The following MEGF6 variants were observed in gnomAD, a reference collection of about 807,000 sequenced individuals.
The protein encoded by MEGF6 is multiple epidermal growth factor-like domains protein 6.
A neutral mutation model predicts 207.1 loss-of-function variants in MEGF6; 184 were observed. That is an observed-to-expected ratio of 0.89 (90% CI 0.79 to 1.00). MEGF6 has a LOEUF of 1.00. Among genes scored for constraint, MEGF6 ranks in the 50% least tolerant of loss-of-function variants. MEGF6 has a pLI of 0.00. For synonymous variants in MEGF6, 1,038 were observed against 910.0 expected, an observed-to-expected ratio of 1.14 and a Z score of -2.53; for missense variants, 2,282 against 2,202.9, an observed-to-expected ratio of 1.04 and a Z score of -0.72.
intron 1 of MEGF6, among the ~76,000 whole-genome samples, chr1:3,603,700 C>T (rs1644197737): frequency 6.6e-6 from 1 of 152,120 alleles, no homozygotes; most frequent in Non-Finnish European, 1.5e-5. Context: ...GTCCCCACCC[C>T]ACCGGGAATA....
intron 4 of MEGF6, among the ~76,000 whole-genome samples, chr1:3,564,160 G>A (rs181674010): frequency 0.016 from 2,385 of 150,924 alleles, 68 homozygotes; most frequent in African/African-American, 0.054. Context: ...CGAGGAACTG[G>A]GTCAGGGTGG....
rs1373794701 is a variant in MEGF6 at position 3,556,026 on chromosome 1, C to T, written c.481+23799G>A. On this transcript the variant is annotated intron_variant, in intron 4 of 36. Transcript: ENST00000356575. This position sits in a 1 kb window ranked among gnomAD's most constrained non-coding sequence, Gnocchi z 4.4. ...CAGGACTCACGGGATCCTGGCTGGC[C>T]CTGGAACCAGCTGGAGTCCGTGGCC... 2.0e-5 allele frequency among the ~76,000 whole-genome samples: 3 copies of T among 152,330 alleles called. No homozygotes were observed. The East Asian group carries it at 5.8e-4, about 29-fold the overall frequency.
intron 4 of MEGF6, among the ~76,000 whole-genome samples, chr1:3,536,997 C>T (rs1050062216): frequency 2.6e-5 from 4 of 152,282 alleles, no homozygotes; most frequent in Non-Finnish European, 5.9e-5. Context: ...GCCTCTACCT[C>T]CCTGAGAGGG....
intron 4 of MEGF6, among the ~76,000 whole-genome samples, chr1:3,548,571 T>C (rs1313464147): frequency 1.3e-5 from 2 of 152,228 alleles, no homozygotes; most frequent in African/African-American, 4.8e-5. Flanking sequence ...CAGACTGCCC[T>C]GGCAGGCAAG....
At chr1:3,540,953 G>T (rs1439979242) in intron 4 of MEGF6, among the ~76,000 whole-genome samples, 1 of 152,228 alleles carries the variant, frequency 6.6e-6, no homozygotes, top group Non-Finnish European at 1.5e-5. Flanking sequence ...ATGGGGACTG[G>T]GAATGAGTAA....
At chr1:3,519,518 G>A (rs1314994737) in intron 5 of MEGF6, among the ~76,000 whole-genome samples, 1 of 152,256 alleles carries the variant, frequency 6.6e-6, no homozygotes, top group Non-Finnish European at 1.5e-5. Context: ...CCTCCTGGGG[G>A]AGGCCCCGAC....
Position 3,497,379 on chromosome 1 carries a change from C to T in MEGF6, c.3353-18G>A. On this transcript the variant is annotated intron_variant, in intron 26 of 36. Coordinates refer to ENST00000356575, the MANE Select transcript of MEGF6 (RefSeq NM_001409.4). The stretch of plus-strand genomic sequence containing the variant: ...CAGGCAGGCTGCAGAAAGATGAGGG[C>T]TGCGGAGGCTTCTAGGAGGGGCCCG... 2.6e-6 allele frequency: 4 copies of T among 1,520,266 alleles called. No homozygotes were observed. In the East Asian group the frequency reaches 7.2e-5, roughly 27 times the overall value. The allele number at this position is 1,520,266 out of a possible 1,614,324, so 94.2% of individuals were successfully genotyped here.
chr1:3,505,537 A>C lies in MEGF6; in HGVS notation c.1938T>G (p.Phe646Leu). Residue 646 changes from phenylalanine to leucine, a missense_variant, in exon 16 of 37, where the codon TTT (phenylalanine) becomes TTG (leucine). By Grantham distance (22) the Phe-to-Leu change is conservative. Transcript: ENST00000356575. ...FCHLTCPPWA[F>L]GPGCSEECQC... Reference sequence around the variant, plus strand: ...GGCACTCCTCCGAGCAGCCCGGCCCAAAGGCCCACGGCGGGCAGGCTGCAC... The same window carrying C: ...GGCACTCCTCCGAGCAGCCCGGCCCCAAGGCCCACGGCGGGCAGGCTGCAC... 6.3e-7 allele frequency: 1 copy of C among 1,590,932 alleles called. No homozygotes were observed. Among genetic ancestry groups the C allele is most frequent in the Non-Finnish European group, 8.5e-7 (1 of 1,171,210 alleles).
At chr1:3,533,799 C>T (rs1434514694) in intron 4 of MEGF6, among the ~76,000 whole-genome samples, 3 of 152,208 alleles carry the variant, frequency 2.0e-5, no homozygotes, top group South Asian at 4.1e-4. Context: ...CACCAACAGG[C>T]GACGGGGCTG....
At chr1:3,591,919 C>CA (rs1277757173) in intron 3 of MEGF6, among the ~76,000 whole-genome samples, 1 of 152,132 alleles carries the variant, frequency 6.6e-6, no homozygotes, top group East Asian at 1.9e-4. Flanking sequence ...TCGTAGCTCA[C>CA]AAGCGACCTG....
Position 3,531,518 on chromosome 1 carries a change from C to A in MEGF6, c.482-7272G>T, listed in dbSNP as rs376803928. On this transcript the variant is annotated intron_variant, in intron 4 of 36. Transcript: ENST00000356575. ...CCGAGGGAGCCGCCCCCGGCCCCGCCCCGAGCCCCGCCCCACCTCCCCCAG... is the reference window on the plus strand; with the variant it reads ...CCGAGGGAGCCGCCCCCGGCCCCGCACCGAGCCCCGCCCCACCTCCCCCAG... 112 of 1,039,124 alleles carry A rather than the reference C, an allele frequency of 1.1e-4. 2 individuals carry two copies. The East Asian group carries it at 3.7e-3, about 35-fold the overall frequency. 64.4% of individuals were successfully genotyped at this position (1,039,124 alleles called of 1,614,324 possible). A position where few individuals can be genotyped will look rare whatever the true frequency, so the allele number is the denominator to read the frequency against.
Position 3,488,455 on chromosome 1 carries a change from G to T in MEGF6, c.*2073C>A, listed in dbSNP as rs1193457029. 6.6e-6 allele frequency among the ~76,000 whole-genome samples: 1 copy of T among 152,202 alleles called. No individual in the cohort carries two copies. Among genetic ancestry groups the T allele is most frequent in the African/African-American group, 2.4e-5 (1 of 41,450 alleles). Reference sequence around the variant, plus strand: ...ATATTCTGACTCTCTGAATTCCTAGGCCATTTGGGAACTGTGGTGACTGAA... The same window carrying T: ...ATATTCTGACTCTCTGAATTCCTAGTCCATTTGGGAACTGTGGTGACTGAA... On this transcript the variant is annotated 3_prime_UTR_variant, in exon 37 of 37. Coordinates refer to ENST00000356575, the MANE Select transcript of MEGF6 (RefSeq NM_001409.4).
intron 4 of MEGF6, among the ~76,000 whole-genome samples, chr1:3,543,866 T>G (rs1386273551): frequency 6.6e-6 from 1 of 151,978 alleles, no homozygotes; most frequent in Admixed American, 6.5e-5. Context: ...TGTCATGGAG[T>G]TGACATTCCA....
chr1:3,540,641 C>T (rs932026119), intron 4 of MEGF6, among the ~76,000 whole-genome samples: 5 of 152,226 alleles, frequency 3.3e-5, no homozygotes, highest in African/African-American at 1.2e-4. Context: ...CTTACAGCTC[C>T]AGAGGCTGGG....
At chr1:3,542,570 A>AG (rs746084983) in intron 4 of MEGF6, among the ~76,000 whole-genome samples, 3 of 152,100 alleles carry the variant, frequency 2.0e-5, no homozygotes, top group Non-Finnish European at 4.4e-5. Flanking sequence ...GCCCAGGCCG[A>AG]GGGGAAGATG....
At position 3,493,622 on chromosome 1, in the gene MEGF6, C is replaced by G. The variant is rs529257612; in HGVS notation, c.4387+149G>C. ...CGCATGTCCCAGCAGCTGACTCCAGCCCCCCCAGGGGGCACAGTCCAGGTG... is the reference window on the plus strand; with the variant it reads ...CGCATGTCCCAGCAGCTGACTCCAGGCCCCCCAGGGGGCACAGTCCAGGTG... On this transcript the variant is annotated intron_variant, in intron 34 of 36. Coordinates refer to ENST00000356575, the MANE Select transcript of MEGF6 (RefSeq NM_001409.4). The G allele has an allele frequency of 9.0e-5, 101 of 1,122,988 alleles. No homozygotes were observed. The Middle Eastern group carries it at 1.0e-3, about 11-fold the overall frequency. 69.6% of individuals were successfully genotyped at this position (1,122,988 alleles called of 1,614,324 possible).
At position 3,494,726 on chromosome 1, in the gene MEGF6, C is replaced by G. The variant is rs748827185; in HGVS notation, c.3887G>C (p.Arg1296Pro). 1 of 1,587,124 alleles carries G rather than the reference C, an allele frequency of 6.3e-7. No individual in the cohort carries two copies. Among genetic ancestry groups the G allele is most frequent in the East Asian group, 2.3e-5 (1 of 43,800 alleles). ...GGTGTGCTCGCAGCCCACGCCAAAC[C>G]GGTTCTGGGGGCAGCCTGGAGACAG... ...VRCERGCPQN[R>P]FGVGCEHTCS... The change falls in exon 31 of 37, where the codon CGG (arginine) becomes CCG (proline). Residue 1296 changes from arginine (R) to proline (P), a missense_variant. Arg to Pro is a moderately radical substitution (Grantham distance 103). Coordinates refer to ENST00000356575, the MANE Select transcript of MEGF6 (RefSeq NM_001409.4).
intron 17 of MEGF6, among the ~76,000 whole-genome samples, chr1:3,504,025 C>G (rs1452728619): frequency 1.3e-5 from 2 of 152,054 alleles, no homozygotes; most frequent in East Asian, 2.0e-4. Context: ...CTGCGGACCC[C>G]TTCTCATTCC....
intron 14 of MEGF6, 100 bp from the exon 15 acceptor site, chr1:3,506,336 A>G: frequency 2.8e-6 from 4 of 1,416,816 alleles, no homozygotes; most frequent in East Asian, 5.0e-5. Context: ...GGCCCAGCAC[A>G]GGAGCTGGGA....
Sources: allele counts gnomAD v4.1 joint callset (sites outside exome capture counted in the v4.1 genomes callset), GRCh38; gene constraint gnomAD v4.1.1; non-coding constraint Gnocchi (gnomAD v3.1); transcripts MANE v1.5; gene names NCBI Gene and HGNC (gene_info 2026-07-23, HGNC 2026-07-21).